The following HBS1L variants were observed in gnomAD, a reference collection of about 807,000 sequenced individuals.
HBS1L encodes HBS1-like protein.
Under a neutral mutation model 88.9 loss-of-function variants are expected in HBS1L, and 55 were observed. The observed-to-expected ratio is 0.62, with a 90% CI of 0.50 to 0.77. The LOEUF (loss-of-function observed/expected upper bound fraction) is 0.77. Ranked by LOEUF, HBS1L falls within the 30% of genes least tolerant of loss-of-function variation. HBS1L has a pLI of 0.00. For missense variants in HBS1L, 741 were observed against 829.3 expected (o/e 0.89, Z 1.31); for synonymous variants, 267 against 288.5 (o/e 0.93, Z 0.76).
chr6:135,029,140 GAT>G (rs1401991204), intron 4 of HBS1L, among the ~76,000 whole-genome samples: 2 of 151,932 alleles, frequency 1.3e-5, no homozygotes, highest in Non-Finnish European at 2.9e-5. Flanking sequence ...ATCTGACACA[GAT>G]ATGAGAAAAA....
intron 2 of HBS1L, among the ~76,000 whole-genome samples, chr6:135,044,829 T>C (rs1242098605): frequency 6.6e-6 from 1 of 152,158 alleles, no homozygotes; most frequent in African/African-American, 2.4e-5. Context: ...AAAAACTAAG[T>C]GAGGCATGAA....
chr6:135,044,941 T>C (rs909055747), intron 2 of HBS1L, among the ~76,000 whole-genome samples: 5 of 152,202 alleles, frequency 3.3e-5, no homozygotes, highest in African/African-American at 1.2e-4. Flanking sequence ...AGCTATTTTT[T>C]CTGTGGTGGG....
At chr6:134,978,195 T>C (rs907387250) in intron 15 of HBS1L, among the ~76,000 whole-genome samples, 1 of 152,072 alleles carries the variant, frequency 6.6e-6, no homozygotes, top group Non-Finnish European at 1.5e-5. Flanking sequence ...TATATATCTA[T>C]GGATTATGCA....
At chr6:135,050,441 T>C in intron 2 of HBS1L, 141 bp downstream of exon 2, 2 of 527,576 alleles carry the variant, frequency 3.8e-6, no homozygotes, top group South Asian at 5.7e-5. Context: ...AATTATTTTA[T>C]ATGCCTTTAA....
chr6:135,028,764 G>A (rs1776306958), intron 4 of HBS1L, among the ~76,000 whole-genome samples: 1 of 152,016 alleles, frequency 6.6e-6, no homozygotes, highest in Non-Finnish European at 1.5e-5. Flanking sequence ...TAATAATAAT[G>A]TCTAATGTTA....
chr6:135,047,465 T>C (rs781402591), intron 2 of HBS1L, among the ~76,000 whole-genome samples: 2 of 152,210 alleles, frequency 1.3e-5, no homozygotes, highest in Non-Finnish European at 2.9e-5. Context: ...CCTAAACAAA[T>C]GGTTCTCAAT....
At chr6:135,012,589 TG>T (rs1345375809) in intron 4 of HBS1L, among the ~76,000 whole-genome samples, 1 of 152,190 alleles carries the variant, frequency 6.6e-6, no homozygotes, top group Non-Finnish European at 1.5e-5. Flanking sequence ...TCTGTAGCTC[TG>T]TACAGAAAAA....
Position 135,050,716 on chromosome 6 carries a change from A to G in HBS1L, c.44-69T>C. The G allele has an allele frequency of 1.3e-5, 12 of 946,314 alleles. 1 individual carries two copies. The South Asian group carries it at 1.7e-4, about 13-fold the overall frequency. 58.6% of individuals were successfully genotyped at this position (946,314 alleles called of 1,614,324 possible). A position where few individuals can be genotyped will look rare whatever the true frequency, so the allele number is the denominator to read the frequency against. Reference sequence around the variant, plus strand: ...TTATATTCTTAGTTACTAGTGAGGAAGCATCTGAATCCTCTCCAAAATAAA... The same window carrying G: ...TTATATTCTTAGTTACTAGTGAGGAGGCATCTGAATCCTCTCCAAAATAAA... On this transcript the variant is annotated intron_variant, in intron 1 of 17. Transcript: ENST00000367837.
At chr6:135,018,622 C>G (rs569922744) in intron 4 of HBS1L, among the ~76,000 whole-genome samples, 2 of 151,904 alleles carry the variant, frequency 1.3e-5, no homozygotes, top group East Asian at 3.9e-4. Context: ...ATTCTTGTTA[C>G]TAATAATTTT....
intron 16 of HBS1L, among the ~76,000 whole-genome samples, chr6:134,966,926 G>GTA (rs1562270527): frequency 6.8e-6 from 1 of 147,418 alleles, no homozygotes; most frequent in Non-Finnish European, 1.5e-5. Context: ...TATGGAATGT[G>GTA]TATTAGGAAG....
At chr6:134,994,655 TTCAG>T (rs1775241779) in intron 7 of HBS1L, among the ~76,000 whole-genome samples, 1 of 152,142 alleles carries the variant, frequency 6.6e-6, no homozygotes, top group Admixed American at 6.5e-5. Flanking sequence ...ATGCAACATT[TTCAG>T]TCATTTTGTG....
At chr6:135,047,749 T>C (rs985763403) in intron 2 of HBS1L, among the ~76,000 whole-genome samples, 3 of 152,208 alleles carry the variant, frequency 2.0e-5, no homozygotes, top group African/African-American at 4.8e-5. Flanking sequence ...AAATCTAATA[T>C]AACCATATCA....
intron 4 of HBS1L, among the ~76,000 whole-genome samples, chr6:135,021,376 T>C (rs1353787460): frequency 1.3e-5 from 2 of 152,072 alleles, no homozygotes; most frequent in East Asian, 1.9e-4. Context: ...CAGGCAAATA[T>C]TAATAAACTA....
At position 135,002,841 on chromosome 6, in the gene HBS1L, T is replaced by C; in HGVS notation, c.432A>G (p.Gly144=). 1 of 1,607,916 alleles carries C rather than the reference T, an allele frequency of 6.2e-7. No homozygotes were observed. Among genetic ancestry groups the C allele is most frequent in the Non-Finnish European group, 8.5e-7 (1 of 1,174,844 alleles). ...GCGATGTCTGGGAATCTACTGGTTT[T>C]CCTAGTTAAGGAGTAAAATATAAAA... is the stretch of plus-strand genomic sequence containing the variant. The part of the protein sequence containing the change: ...ATVSTGKIAK[G]KPVDSQTSRS... Residue 144 remains glycine (G), a splice_region_variant and synonymous_variant, in exon 5 of 18, where the codon GGA becomes GGG. Coordinates refer to ENST00000367837, the MANE Select transcript of HBS1L (RefSeq NM_006620.4).
At chr6:134,995,431 A>C (rs187454246) in intron 7 of HBS1L, among the ~76,000 whole-genome samples, 39 of 152,198 alleles carry the variant, frequency 2.6e-4, no homozygotes, top group African/African-American at 9.1e-4. Context: ...ATGCTGAGCA[A>C]TAAAAAACTA....
At chr6:134,970,542 G>C (rs545197328) in intron 15 of HBS1L, among the ~76,000 whole-genome samples, 1 of 152,306 alleles carries the variant, frequency 6.6e-6, no homozygotes, top group South Asian at 2.1e-4. Context: ...CTGGCACATG[G>C]CAAGCATTCA....
intron 4 of HBS1L, among the ~76,000 whole-genome samples, chr6:135,024,356 C>T (rs766991253): frequency 5.5e-5 from 8 of 145,474 alleles, no homozygotes; most frequent in South Asian, 2.2e-4. Context: ...AGAAGAATGG[C>T]GTGAACCCAG....
At chr6:135,052,843 T>C (rs1332436663) in intron 1 of HBS1L, among the ~76,000 whole-genome samples, 1 of 152,144 alleles carries the variant, frequency 6.6e-6, no homozygotes, top group Non-Finnish European at 1.5e-5. Context: ...ATTACATAAA[T>C]TACAGAGAAA....
intron 16 of HBS1L, among the ~76,000 whole-genome samples, chr6:134,967,921 T>C (rs986829174): frequency 6.6e-6 from 1 of 152,176 alleles, no homozygotes; most frequent in Non-Finnish European, 1.5e-5. Flanking sequence ...CAGAACATTA[T>C]AGCAAACACT....
Sources: gnomAD v4.1 joint callset for allele counts (sites outside exome capture counted in the v4.1 genomes callset) on GRCh38, gnomAD v4.1.1 for gene constraint, MANE v1.5 for transcripts, NCBI Gene and HGNC (gene_info 2026-07-23, HGNC 2026-07-21) for gene names.